Variants in PRICKLE3 observed in about 807,000 individuals in gnomAD.
PRICKLE3 encodes the protein LIM domain only protein 6.
In PRICKLE3, 17 loss-of-function variants were observed where a neutral mutation model predicts 33.8. The observed-to-expected ratio is 0.50, with a 90% confidence interval of 0.34 to 0.75. The LOEUF (loss-of-function observed/expected upper bound fraction) is 0.75. Ranked by LOEUF, PRICKLE3 falls within the 30% of genes least tolerant of loss-of-function variation. The pLI is 0.01. For missense variants in PRICKLE3, 573 were observed against 576.7 expected (o/e 0.99, Z 0.07); for synonymous variants, 211 against 219.6 (o/e 0.96, Z 0.34).
chrX:49,179,804 T>G lies in PRICKLE3; in HGVS notation c.315A>C (p.Val105=), dbSNP rs1203590039. The G allele has an allele frequency of 9.3e-7, 1 of 1,075,979 alleles. No homozygotes were observed. The highest frequency in any genetic ancestry group is 1.3e-6 in the Non-Finnish European group (1 of 797,514). The allele number at this position is 1,075,979 out of a possible 1,213,427, so 88.7% of individuals were successfully genotyped here. Residue 105 remains valine (V), a splice_region_variant and synonymous_variant, in exon 4 of 9, where the codon GTA becomes GTC. Transcript: ENST00000599218. ...WVPPGLKPEQ[V]YQFFSCLPED... ...CTGGGAGGCAGCTGAAAAATTGATATACCTGGGAGGACATAGGAGTGGGAG... is the reference window on the plus strand; with the variant it reads ...CTGGGAGGCAGCTGAAAAATTGATAGACCTGGGAGGACATAGGAGTGGGAG...
Position 49,183,911 on chromosome X carries a change from G to A in PRICKLE3, c.135C>T (p.Ile45=), listed in dbSNP as rs1384762488. Residue 45 remains isoleucine (I), a synonymous_variant, in exon 3 of 9, where the codon ATC becomes ATT. Transcript: ENST00000599218. The stretch of plus-strand genomic sequence containing the variant: ...CCCGCGGGCATTTGCAATGCTGGCA[G>A]ATCTTTCTGAGGGGGCCGGGATGGG... ...PGFLLHGWRK[I]CQHCKCPREE... 4.2e-6 allele frequency: 5 copies of A among 1,204,289 alleles called. No individual in the cohort carries two copies. In the African/African-American group the frequency reaches 8.7e-5, roughly 21 times the overall value.
chrX:49,183,733 C>T lies in PRICKLE3; in HGVS notation c.312+1G>A. 1 of 1,211,669 alleles carries T rather than the reference C, an allele frequency of 8.3e-7. No individual in the cohort carries two copies. Among genetic ancestry groups the T allele is most frequent in the Non-Finnish European group, 1.1e-6 (1 of 895,424 alleles). The stretch of plus-strand genomic sequence containing the variant: ...AGAGTGGAGGGCTGGCCTCTGGTCA[C>T]CTGCTCCGGCTTAAGGCCTGGGGGC... On this transcript the variant is annotated splice_donor_variant, in intron 3 of 8. Coordinates refer to ENST00000599218, the MANE Select transcript of PRICKLE3 (RefSeq NM_006150.5). LOFTEE classifies it high-confidence loss of function.
intron 3 of PRICKLE3, among the ~76,000 whole-genome samples, chrX:49,183,120 G>A (rs975743735): frequency 4.5e-5 from 5 of 112,184 alleles, no homozygotes; most frequent in African/African-American, 1.6e-4. Flanking sequence ...CACCGTGCCC[G>A]TGGGCAGATA....
rs782669220 is a variant in PRICKLE3, at chrX:49,177,865, T to A, written c.955+128A>T. On this transcript the variant is annotated intron_variant, in intron 7 of 8. Transcript: ENST00000599218. ...CAACCAAGCGTACAGGTCTATAGTG[T>A]TGGGGCTGGACAAAGTACAGGGCAC... 7.9e-6 allele frequency: 6 copies of A among 760,908 alleles called. No homozygotes were observed. In the South Asian group the frequency reaches 2.3e-4, roughly 29 times the overall value. The allele number at this position is 760,908 out of a possible 1,213,427, so 62.7% of individuals were successfully genotyped here.
Position 49,183,752 on chromosome X carries a change from T to A in PRICKLE3, c.294A>T (p.Pro98=). Reference sequence around the variant, plus strand: ...TGGTCACCTGCTCCGGCTTAAGGCCTGGGGGCACCCAGGCATACTCCTCCG... The same window carrying A: ...TGGTCACCTGCTCCGGCTTAAGGCCAGGGGGCACCCAGGCATACTCCTCCG... The part of the protein sequence containing the change: ...CASEEYAWVP[P]GLKPEQVYQF... The change falls in exon 3 of 9, where the codon CCA becomes CCT. Residue 98 remains proline, a synonymous_variant. Coordinates refer to ENST00000599218, the MANE Select transcript of PRICKLE3 (RefSeq NM_006150.5). 2 of 1,211,636 alleles carry A rather than the reference T, an allele frequency of 1.7e-6. No individual in the cohort carries two copies. Among genetic ancestry groups the A allele is most frequent in the Non-Finnish European group, 2.2e-6 (2 of 895,426 alleles).
Position 49,186,265 on chromosome X carries a change from G to A in PRICKLE3, c.33C>T (p.Ser11=), listed in dbSNP as rs2065482717. Residue 11 remains serine, a synonymous_variant, in exon 1 of 9, where the codon TCC becomes TCT. Transcript: ENST00000599218. MFARGSRRRR[S]GRAPPEAEDP... ...CCTGACTCCCGCTCACCGCACGCCC[G>A]GAGCGGCGCCTCCGGGACCCACGCG... 1 of 1,155,475 alleles carries A rather than the reference G, an allele frequency of 8.7e-7. No individual in the cohort carries two copies.
At position 49,183,862 on chromosome X, in the gene PRICKLE3, G is replaced by C; in HGVS notation, c.184C>G (p.Pro62Ala). ...CACATGATGCGTTCCAGGTCCACAG[G>C]CACCGCGTGCACTGCATGCTCCTCC... ...PREEHAVHAV[P>A]VDLERIMCRL... is the part of the protein sequence containing the mutation. Residue 62 changes from proline to alanine, a missense_variant, in exon 3 of 9, where the codon CCT (proline) becomes GCT (alanine). Pro to Ala is a conservative substitution (Grantham distance 27, BLOSUM62 -1). Coordinates refer to ENST00000599218, the MANE Select transcript of PRICKLE3 (RefSeq NM_006150.5). 8.3e-7 allele frequency: 1 copy of C among 1,211,301 alleles called. No individual in the cohort carries two copies. Among genetic ancestry groups the C allele is most frequent in the Admixed American group, 2.2e-5 (1 of 46,017 alleles).
In PRICKLE3 at chrX:49,178,041, A is replaced by G; in HGVS notation, c.907T>C (p.Tyr303His). Residue 303 changes from tyrosine (Y) to histidine (H), a missense_variant, in exon 7 of 9, where the codon TAC (tyrosine) becomes CAC (histidine). By Grantham distance (83) the Tyr-to-His change is moderately conservative. Transcript: ENST00000599218. ...CAGTACTCCGCGTGGCGGGCCTCGT[A>G]GCAGGCGCAGCAGTGGGGGCGGCTC... ...RQSRPHCCACYEARHAEYCDG... is the reference protein window; with the variant it reads ...RQSRPHCCACHEARHAEYCDG... 8.7e-7 allele frequency: 1 copy of G among 1,154,883 alleles called. No homozygotes were observed. The highest frequency in any genetic ancestry group is 3.0e-5 in the East Asian group (1 of 33,325).
In PRICKLE3 at chrX:49,177,192, T is replaced by C. The variant is rs782602310; in HGVS notation, c.966A>G (p.Gln322=). The C allele has an allele frequency of 8.5e-7, 1 of 1,175,755 alleles. No homozygotes were observed. Among genetic ancestry groups the C allele is most frequent in the East Asian group, 3.0e-5 (1 of 32,856 alleles). Residue 322 remains glutamine, a synonymous_variant, in exon 8 of 9, where the codon CAA becomes CAG. Coordinates refer to ENST00000599218, the MANE Select transcript of PRICKLE3 (RefSeq NM_006150.5). ...DGCGEHIGLD[Q]GQMAYEGQHW... is the part of the protein sequence containing the mutation. Reference sequence around the variant, plus strand: ...GCTGGCCCTCGTAAGCCATCTGGCCTTGGTCCAGGCCTGTGGGGAACGACG... The same window carrying C: ...GCTGGCCCTCGTAAGCCATCTGGCCCTGGTCCAGGCCTGTGGGGAACGACG...
chrX:49,176,357 A>G, intron 8 of PRICKLE3, 92 bp from the exon 9 acceptor site: 1 of 672,486 alleles, frequency 1.5e-6, no homozygotes, highest in Non-Finnish European at 2.2e-6. Context: ...TCTTTCCTCC[A>G]CTAAGACTGG....
intron 3 of PRICKLE3, among the ~76,000 whole-genome samples, chrX:49,180,654 C>T (rs1557100866): frequency 9.0e-6 from 1 of 111,720 alleles, no homozygotes; most frequent in Non-Finnish European, 1.9e-5. Context: ...TTGGCTGCTC[C>T]TTCTTTGTCC....
In PRICKLE3 at chrX:49,178,433, T is replaced by C; in HGVS notation, c.607A>G (p.Ser203Gly). ...IGGGDIAVFA[S>G]RAGLGACWHP... Reference sequence around the variant, plus strand: ...CAGCAGGCACCCAGGCCTGCACGGCTGGCAAACACTGCGATGTCCCCACCT... The same window carrying C: ...CAGCAGGCACCCAGGCCTGCACGGCCGGCAAACACTGCGATGTCCCCACCT... The change falls in exon 6 of 9, where the codon AGC becomes GGC. Residue 203 changes from serine (S) to glycine (G), a missense_variant. Coordinates refer to ENST00000599218, the MANE Select transcript of PRICKLE3 (RefSeq NM_006150.5). The C allele has an allele frequency of 8.3e-7, 1 of 1,211,601 alleles. No homozygotes were observed. Among genetic ancestry groups the C allele is most frequent in the East Asian group, 3.0e-5 (1 of 33,849 alleles).
chrX:49,183,847 G>T lies in PRICKLE3; in HGVS notation c.199C>A (p.Arg67Ser), dbSNP rs782690118. 5 of 1,211,560 alleles carry T rather than the reference G, an allele frequency of 4.1e-6. No individual in the cohort carries two copies. The highest frequency in any genetic ancestry group is 4.6e-4 in the Middle Eastern group (2 of 4,355). Reference sequence around the variant, plus strand: ...TCCGAGATTAGCCGACACATGATGCGTTCCAGGTCCACAGGCACCGCGTGC... The same window carrying T: ...TCCGAGATTAGCCGACACATGATGCTTTCCAGGTCCACAGGCACCGCGTGC... ...AVHAVPVDLE[R>S]IMCRLISDFQ... Residue 67 changes from arginine to serine, a missense_variant, in exon 3 of 9, where the codon CGC (arginine) becomes AGC (serine). Transcript: ENST00000599218.
intron 3 of PRICKLE3, 92 bp downstream of exon 3, chrX:49,183,642 G>A: frequency 8.6e-7 from 1 of 1,168,708 alleles, no homozygotes; most frequent in Non-Finnish European, 1.1e-6. Flanking sequence ...CGTAGCCCCA[G>A]AAATAGGTTC....
rs1557100008 is a variant in PRICKLE3, at chrX:49,176,217, C to T, written c.1304G>A (p.Arg435His). 1 of 1,156,314 alleles carries T rather than the reference C, an allele frequency of 8.6e-7. No individual in the cohort carries two copies. Among genetic ancestry groups the T allele is most frequent in the Admixed American group, 2.6e-5 (1 of 38,867 alleles). ...PSRFLRGAPH[R>H]HSMPELGLRS... ...GAGCCCCAGTTCCGGCATGGAGTGG[C>T]GGTGGGGAGCCCCTCTCAGAAAGCG... Residue 435 changes from arginine to histidine, a missense_variant, in exon 9 of 9, where the codon CGC becomes CAC. Transcript: ENST00000599218.
At position 49,183,912 on chromosome X, in the gene PRICKLE3, A is replaced by G; in HGVS notation, c.134T>C (p.Ile45Thr). ...PGFLLHGWRK[I>T]CQHCKCPREE... is the part of the protein sequence containing the mutation. ...CCGCGGGCATTTGCAATGCTGGCAGATCTTTCTGAGGGGGCCGGGATGGGG... is the reference window on the plus strand; with the variant it reads ...CCGCGGGCATTTGCAATGCTGGCAGGTCTTTCTGAGGGGGCCGGGATGGGG... Residue 45 changes from isoleucine (I) to threonine (T), a missense_variant, in exon 3 of 9, where the codon ATC becomes ACC. By Grantham distance (89) the Ile-to-Thr change is moderately conservative. Transcript: ENST00000599218. 1 of 1,204,960 alleles carries G rather than the reference A, an allele frequency of 8.3e-7. No individual in the cohort carries two copies. The highest frequency in any genetic ancestry group is 1.8e-5 in the South Asian group (1 of 56,313).
intron 3 of PRICKLE3, among the ~76,000 whole-genome samples, chrX:49,180,080 C>T (rs1027245180): frequency 2.4e-5 from 2 of 82,361 alleles, no homozygotes; most frequent in East Asian, 4.2e-4. Context: ...TTCTCTGTTG[C>T]CCAAGCTGGA....
intron 8 of PRICKLE3, 41 bp from the exon 9 acceptor site, chrX:49,176,306 C>G (rs2065416995): frequency 2.0e-6 from 2 of 997,733 alleles, no homozygotes; most frequent in Non-Finnish European, 2.7e-6. Context: ...TATCTGCCCT[C>G]CCACTGGCCC....
At position 49,178,188 on chromosome X, in the gene PRICKLE3, C is replaced by T. The variant is rs782773357; in HGVS notation, c.769-9G>A. ...TCAGGGGAGAAGATGATCTGGAGGG[C>T]GCAGGCCATCTGTGGCTGTCAGATG... On this transcript the variant is annotated splice_polypyrimidine_tract_variant and intron_variant, in intron 6 of 8. Transcript: ENST00000599218. The T allele has an allele frequency of 3.1e-5, 37 of 1,191,669 alleles. No individual in the cohort carries two copies. The South Asian group carries it at 5.0e-4, about 16-fold the overall frequency.
Sources: gnomAD v4.1 joint callset for allele counts (sites outside exome capture counted in the v4.1 genomes callset) on GRCh38, gnomAD v4.1.1 for gene constraint, MANE v1.5 for transcripts, NCBI Gene and HGNC (gene_info 2026-07-23, HGNC 2026-07-21) for gene names.